The following MEMO1 variants were observed in gnomAD, a reference collection of about 807,000 sequenced individuals.
MEMO1 encodes mediator of cell motility 1.
In MEMO1, 6 loss-of-function variants were observed where a neutral mutation model predicts 45.2. The observed-to-expected ratio is 0.13, with a 90% confidence interval of 0.07 to 0.26. The LOEUF (loss-of-function observed/expected upper bound fraction) is 0.26. Ranked by LOEUF, MEMO1 falls within the 10% of genes least tolerant of loss-of-function variation. The probability of loss-of-function intolerance (pLI) is 1.00; values close to 1 mark genes in which losing one functional copy is unlikely to be tolerated. For missense variants in MEMO1, 184 were observed against 370.5 expected, an observed-to-expected ratio of 0.50 and a Z score of 4.13; for synonymous variants, 78 against 124.3, an observed-to-expected ratio of 0.63 and a Z score of 2.48.
chr2:31,911,728 C>A (rs1680597385), intron 6 of MEMO1, among the ~76,000 whole-genome samples: 1 of 152,080 alleles, frequency 6.6e-6, no homozygotes, highest in South Asian at 2.1e-4. Context: ...CATAACTAGA[C>A]CTTCCAGGCT....
chr2:31,992,334 CA>C (rs1380057911), intron 2 of MEMO1, among the ~76,000 whole-genome samples: 1 of 152,196 alleles, frequency 6.6e-6, no homozygotes, highest in Non-Finnish European at 1.5e-5. Flanking sequence ...TGACTAGCTG[CA>C]AAGGCACAGA....
chr2:31,934,431 C>T (rs1446169906), intron 3 of MEMO1, among the ~76,000 whole-genome samples: 1 of 151,584 alleles, frequency 6.6e-6, no homozygotes, highest in Non-Finnish European at 1.5e-5. Flanking sequence ...CATAACTGCC[C>T]TCCACCTGGG....
chr2:31,936,319 C>A (rs1005821116), intron 3 of MEMO1, among the ~76,000 whole-genome samples: 9 of 152,172 alleles, frequency 5.9e-5, no homozygotes, highest in African/African-American at 2.2e-4. Flanking sequence ...GCCATCCCCA[C>A]TAACTTTTCC....
chr2:31,879,087 A>C (rs887087333), intron 8 of MEMO1, among the ~76,000 whole-genome samples: 1 of 152,172 alleles, frequency 6.6e-6, no homozygotes, highest in Non-Finnish European at 1.5e-5. Flanking sequence ...TCATCTACCA[A>C]ATCAGTTAAC....
In MEMO1 at chr2:31,914,961, T is replaced by A. The variant is rs112337090; in HGVS notation, c.437+2965A>T. On this transcript the variant is annotated intron_variant, in intron 6 of 9. Coordinates refer to ENST00000404530, the MANE Select transcript of MEMO1 (RefSeq NM_001301833.4). ...GACAGAATGAGACCCTGTCTCTTTTTAAAAAAAAAAAAAAAAAAAAAGAGG... is the reference window on the plus strand; with the variant it reads ...GACAGAATGAGACCCTGTCTCTTTTAAAAAAAAAAAAAAAAAAAAAAGAGG... 3.2e-4 allele frequency among the ~76,000 whole-genome samples: 38 copies of A among 120,228 alleles called. 1 individual carries two copies. Among genetic ancestry groups the A allele is most frequent in the African/African-American group, 6.8e-4 (21 of 30,832 alleles). 78.9% of individuals were successfully genotyped at this position (120,228 alleles called of 152,430 possible). A position where few individuals can be genotyped will look rare whatever the true frequency, so the allele number is the denominator to read the frequency against.
chr2:31,968,108 A>G (rs1321451403), intron 2 of MEMO1, among the ~76,000 whole-genome samples: 1 of 152,210 alleles, frequency 6.6e-6, no homozygotes, highest in Non-Finnish European at 1.5e-5. Context: ...AGAGCCAAAT[A>G]GAATAGAATT....
intron 3 of MEMO1, 44 bp from the exon 4 acceptor site, chr2:31,932,179 T>A (rs753439407): frequency 6.5e-7 from 1 of 1,544,498 alleles, no homozygotes; most frequent in Admixed American, 1.7e-5. Context: ...AGATTCAAAA[T>A]CAAGATATTC....
At chr2:31,899,743 A>G (rs1678487452) in intron 6 of MEMO1, among the ~76,000 whole-genome samples, 2 of 152,250 alleles carry the variant, frequency 1.3e-5, no homozygotes, top group South Asian at 4.1e-4. Flanking sequence ...CAGAGTGAAC[A>G]GGCAACCTAC....
At chr2:31,883,088 A>T (rs987516449) in intron 8 of MEMO1, among the ~76,000 whole-genome samples, 5 of 152,140 alleles carry the variant, frequency 3.3e-5, no homozygotes, top group African/African-American at 1.2e-4. Context: ...CTTAACAGTA[A>T]ATAATGGTAT....
chr2:31,987,357 G>C (rs1671391396), intron 2 of MEMO1, among the ~76,000 whole-genome samples: 2 of 152,064 alleles, frequency 1.3e-5, no homozygotes, highest in African/African-American at 4.8e-5. Context: ...AAAAGACTAG[G>C]AAGGATAGGT....
At chr2:31,884,799 A>G (rs1675939308) in intron 7 of MEMO1, among the ~76,000 whole-genome samples, 1 of 152,172 alleles carries the variant, frequency 6.6e-6, no homozygotes, top group Non-Finnish European at 1.5e-5. Context: ...TATTCACTCA[A>G]TATTGCATCT....
chr2:31,938,453 T>C (rs558304210), intron 3 of MEMO1, among the ~76,000 whole-genome samples: 1 of 151,944 alleles, frequency 6.6e-6, no homozygotes, highest in South Asian at 2.1e-4. Flanking sequence ...GAGACCATCC[T>C]GGCTAACACG....
At chr2:32,000,162 A>C (rs1394200844) in intron 2 of MEMO1, among the ~76,000 whole-genome samples, 1 of 151,924 alleles carries the variant, frequency 6.6e-6, no homozygotes, top group Non-Finnish European at 1.5e-5. Flanking sequence ...CTGGGATCAC[A>C]GACCTGAGCC....
intron 5 of MEMO1, among the ~76,000 whole-genome samples, chr2:31,919,293 A>T (rs1681926679): frequency 6.6e-6 from 1 of 151,634 alleles, no homozygotes; most frequent in Non-Finnish European, 1.5e-5. Context: ...CCCAACCTAC[A>T]GCTACGTGCT....
chr2:31,960,064 G>T (rs1667835183), intron 2 of MEMO1, among the ~76,000 whole-genome samples: 1 of 152,138 alleles, frequency 6.6e-6, no homozygotes, highest in Admixed American at 6.6e-5. Context: ...GGGTGTGGCG[G>T]CGCATGCCTA....
chr2:31,942,028 C>T (rs909992856), intron 3 of MEMO1, among the ~76,000 whole-genome samples: 2 of 152,166 alleles, frequency 1.3e-5, no homozygotes, highest in African/African-American at 4.8e-5. Context: ...AGACAAATGG[C>T]ACAGAGTAAA....
intron 2 of MEMO1, among the ~76,000 whole-genome samples, chr2:32,000,056 T>G (rs1673092273): frequency 6.6e-6 from 1 of 151,910 alleles, no homozygotes. Flanking sequence ...AGCTAATTTT[T>G]TTATTTTTTG....
At chr2:31,888,856 T>C (rs1020150222) in intron 7 of MEMO1, among the ~76,000 whole-genome samples, 9 of 152,046 alleles carry the variant, frequency 5.9e-5, no homozygotes, top group African/African-American at 1.9e-4. Flanking sequence ...GGTTCCTGTC[T>C]CTCCCTTGGC....
chr2:31,879,131 C>A (rs957379239), intron 8 of MEMO1, among the ~76,000 whole-genome samples: 3 of 152,178 alleles, frequency 2.0e-5, no homozygotes, highest in African/African-American at 7.2e-5. Flanking sequence ...CATACTCAAA[C>A]TAGTAGAGAA....
Sources: gnomAD v4.1 joint callset for allele counts (sites outside exome capture counted in the v4.1 genomes callset) on GRCh38, gnomAD v4.1.1 for gene constraint, MANE v1.5 for transcripts, NCBI Gene and HGNC (gene_info 2026-07-23, HGNC 2026-07-21) for gene names.